The following RANBP2 variants were observed in gnomAD, a reference collection of about 807,000 sequenced individuals.
RANBP2 encodes RAN binding protein 2.
RANBP2 carries 57 observed loss-of-function variants against 303.6 expected under a neutral mutation model. The observed-to-expected ratio is 0.19, with a 90% CI of 0.15 to 0.23. The LOEUF (loss-of-function observed/expected upper bound fraction) is 0.23, where lower values mean the gene tolerates loss of function less well. Among genes scored for constraint, RANBP2 ranks in the 10% least tolerant of loss-of-function variants. The pLI is 1.00. For synonymous variants in RANBP2, 1,167 were observed against 1,301.5 expected (o/e 0.90, Z 2.23); for missense variants, 3,138 against 3,780.8 (o/e 0.83, Z 4.46).
the RANBP2 span, among the ~76,000 whole-genome samples, chr2:109,350,199 G>A: frequency 6.6e-6 from 1 of 152,204 alleles, no homozygotes; most frequent in Non-Finnish European, 1.5e-5. Flanking sequence ...GGGTAGCCGA[G>A]CAGGGGTCCA....
the RANBP2 span, among the ~76,000 whole-genome samples, chr2:109,053,668 G>A: frequency 6.6e-6 from 1 of 152,188 alleles, no homozygotes; most frequent in Non-Finnish European, 1.5e-5. Context: ...GTCACTTGCT[G>A]CATATGAGTA....
chr2:109,207,648 A>T, the RANBP2 span, among the ~76,000 whole-genome samples: 26 of 152,280 alleles, frequency 1.7e-4, no homozygotes, highest in Middle Eastern at 3.4e-3. Flanking sequence ...CAGTTGCTGT[A>T]TGATGTAAGG....
the RANBP2 span, among the ~76,000 whole-genome samples, chr2:109,081,389 C>T: frequency 2.0e-5 from 3 of 152,132 alleles, no homozygotes; most frequent in South Asian, 2.1e-4. Context: ...GGGAGCTGCC[C>T]GAGGCTGTTT....
At chr2:108,763,116 TC>T (rs1361074390) in intron 19 of RANBP2, 120 bp from the exon 20 acceptor site, 21 of 1,156,006 alleles carry the variant, frequency 1.8e-5, no homozygotes, top group Non-Finnish European at 2.3e-5. Context: ...GTGTACTACA[TC>T]CCCTAATGAG....
chr2:109,156,147 TTG>T, the RANBP2 span, among the ~76,000 whole-genome samples: 1 of 152,234 alleles, frequency 6.6e-6, no homozygotes, highest in Non-Finnish European at 1.5e-5. Flanking sequence ...ATTGTCTGAT[TTG>T]CAGTCCATCT....
the RANBP2 span, among the ~76,000 whole-genome samples, chr2:109,387,251 A>C: frequency 6.6e-6 from 1 of 152,198 alleles, no homozygotes; most frequent in South Asian, 2.1e-4. Flanking sequence ...ACATGATTGC[A>C]GTAGCTTCCA....
the RANBP2 span, among the ~76,000 whole-genome samples, chr2:109,471,458 G>A: frequency 6.6e-6 from 1 of 152,144 alleles, no homozygotes; most frequent in South Asian, 2.1e-4. Context: ...AGAACAGCAT[G>A]GGAGAAACTG....
At chr2:109,212,159 T>C in the RANBP2 span, among the ~76,000 whole-genome samples, 732 of 152,322 alleles carry the variant, frequency 4.8e-3, 4 homozygotes, top group Non-Finnish European at 7.0e-3. Context: ...GTGGTTTTGT[T>C]TGGCTTCTGG....
chr2:109,211,522 G>A, the RANBP2 span, among the ~76,000 whole-genome samples: 42,683 of 152,126 alleles, frequency 0.28, 6,337 homozygotes, highest in East Asian at 0.46. Context: ...CAGGTATCCA[G>A]TAGGAGCGGA....
At chr2:108,835,756 A>G in the RANBP2 span, among the ~76,000 whole-genome samples, 4 of 152,210 alleles carry the variant, frequency 2.6e-5, no homozygotes, top group Admixed American at 1.3e-4. Flanking sequence ...ATCTTGCAAA[A>G]CTAAAACTCA....
chr2:109,036,297 A>G, the RANBP2 span, among the ~76,000 whole-genome samples: 8 of 152,228 alleles, frequency 5.3e-5, no homozygotes, highest in African/African-American at 1.7e-4. Context: ...TACACACTCT[A>G]TCTCAGAAAG....
At chr2:109,603,533 C>A in the RANBP2 span, among the ~76,000 whole-genome samples, 1 of 150,516 alleles carries the variant, frequency 6.6e-6, no homozygotes, top group Non-Finnish European at 1.5e-5. Context: ...ACCACCGCGC[C>A]CGGCCTCATA....
At chr2:108,754,601 A>G (rs1474686854) in intron 15 of RANBP2, among the ~76,000 whole-genome samples, 1 of 151,442 alleles carries the variant, frequency 6.6e-6, no homozygotes, top group Non-Finnish European at 1.5e-5. Context: ...TTCCTCTACA[A>G]TTATCATGGT....
the RANBP2 span, among the ~76,000 whole-genome samples, chr2:109,612,174 C>G: frequency 2.6e-5 from 4 of 151,640 alleles, no homozygotes; most frequent in African/African-American, 9.7e-5. Flanking sequence ...ATCTCCAGAA[C>G]TTTGCTGAGT....
At chr2:109,684,245 C>CTTTTTTTTTTTTTT in the RANBP2 span, among the ~76,000 whole-genome samples, 39 of 87,124 alleles carry the variant, frequency 4.5e-4, 3 homozygotes, top group Admixed American at 6.7e-4. Context: ...CCCGGTCTTA[C>CTTTTTTTTTTTTTT]TTTTTTTTTT....
At chr2:109,335,179 C>T in the RANBP2 span, among the ~76,000 whole-genome samples, 2 of 152,252 alleles carry the variant, frequency 1.3e-5, no homozygotes, top group Non-Finnish European at 1.5e-5. Context: ...CTGTTCCTTG[C>T]GCCTGATCTA....
chr2:109,506,449 C>T, the RANBP2 span, among the ~76,000 whole-genome samples: 3 of 152,012 alleles, frequency 2.0e-5, no homozygotes, highest in Non-Finnish European at 4.4e-5. Flanking sequence ...GGCACCTAAA[C>T]AACCTTGTGA....
the RANBP2 span, among the ~76,000 whole-genome samples, chr2:109,697,314 A>G: frequency 6.6e-6 from 1 of 152,082 alleles, no homozygotes; most frequent in Non-Finnish European, 1.5e-5. Flanking sequence ...ACATGGAGAA[A>G]CCCTGTCTCT....
the RANBP2 span, among the ~76,000 whole-genome samples, chr2:109,659,412 A>G: frequency 6.6e-6 from 1 of 152,136 alleles, no homozygotes; most frequent in African/African-American, 2.4e-5. Flanking sequence ...ACAAAACTCA[A>G]ATAACAGCAC....
Sources: allele counts gnomAD v4.1 joint callset (sites outside exome capture counted in the v4.1 genomes callset), GRCh38; gene constraint gnomAD v4.1.1; transcripts MANE v1.5; gene names NCBI Gene and HGNC (gene_info 2026-07-23, HGNC 2026-07-21).